Variants in MSH5 observed in about 807,000 individuals in gnomAD.
The protein encoded by MSH5 is mutS protein homolog 5.
Under a neutral mutation model 107.7 loss-of-function variants are expected in MSH5, and 78 were observed. The ratio of observed to expected loss-of-function variants is 0.72; its 90% confidence interval spans 0.60 to 0.87. The LOEUF is 0.87. Ranked by LOEUF, MSH5 falls within the 40% of genes least tolerant of loss-of-function variation. The pLI, the probability that MSH5 is intolerant of heterozygous loss-of-function variation, is 0.00. For missense variants in MSH5, 889 were observed against 1,046.6 expected (o/e 0.85, Z 2.08); for synonymous variants, 326 against 399.5 (o/e 0.82, Z 2.19).
chr6:31,755,876 T>C (rs531397673), intron 12 of MSH5, among the ~76,000 whole-genome samples: 6 of 152,272 alleles, frequency 3.9e-5, no homozygotes, highest in African/African-American at 1.4e-4. Flanking sequence ...TTTTCTCTTT[T>C]TCTTCTCCTG....
rs9279401 is a variant in MSH5, at chr6:31,741,336, T to TACACACAC, written c.271+90_271+97dup. The TACACACAC allele has an allele frequency of 3.1e-4, 281 of 897,410 alleles. 1 individual carries two copies. The highest frequency in any genetic ancestry group is 9.3e-4 in the East Asian group (27 of 29,078). The allele number at this position is 897,410 out of a possible 1,614,324, so 55.6% of individuals were successfully genotyped here. ...CTGCTCTCTGGGATTGCAGATGTGT[T>TACACACAC]ACACACACACACACACACACACACA... On this transcript the variant is annotated intron_variant, in intron 3 of 24. Coordinates refer to ENST00000375750, the MANE Select transcript of MSH5 (RefSeq NM_172166.4).
At position 31,753,363 on chromosome 6, in the gene MSH5, A is replaced by G. The variant is rs769381856; in HGVS notation, c.875A>G (p.Gln292Arg). Residue 292 changes from glutamine (Q) to arginine (R), a missense_variant, in exon 11 of 25, where the codon CAG (glutamine) becomes CGG (arginine). Coordinates refer to ENST00000375750, the MANE Select transcript of MSH5 (RefSeq NM_172166.4). ...GELSSRLDVI[Q>R]FFLLPQNLDM... ...CTCAGTTCTCGTCTGGACGTCATTC[A>G]GTTTTTTCTGCTGCCCCAGAATCTG... The G allele has an allele frequency of 2.5e-6, 4 of 1,614,016 alleles. No homozygotes were observed. Among genetic ancestry groups the G allele is most frequent in the African/African-American group, 2.7e-5 (2 of 74,906 alleles).
At position 31,761,217 on chromosome 6, in the gene MSH5, A is replaced by G. The variant is rs778522136; in HGVS notation, c.1992A>G (p.Ala664=). The G allele has an allele frequency of 6.2e-7, 1 of 1,614,030 alleles. No homozygotes were observed. The highest frequency in any genetic ancestry group is 2.2e-5 in the East Asian group (1 of 44,882). The change falls in exon 21 of 25, where the codon GCA becomes GCG. Residue 664 remains alanine, a synonymous_variant. Coordinates refer to ENST00000375750, the MANE Select transcript of MSH5 (RefSeq NM_172166.4). The surrounding 1 kb of genome is among the most constrained non-coding windows in gnomAD (Gnocchi z 5.3). ...CGAAAGCAGTGAACAATGCCACTGCACAGTCGCTGGTCCTTATTGATGAAT... is the reference window on the plus strand; with the variant it reads ...CGAAAGCAGTGAACAATGCCACTGCGCAGTCGCTGGTCCTTATTGATGAAT... The part of the protein sequence containing the change: ...QVAKAVNNAT[A]QSLVLIDEFG...
At position 31,759,312 on chromosome 6, in the gene MSH5, G is replaced by A; in HGVS notation, c.1408-113G>A. The A allele has an allele frequency of 7.1e-7, 1 of 1,408,496 alleles. No individual in the cohort carries two copies. Among genetic ancestry groups the A allele is most frequent in the Non-Finnish European group, 1.0e-6 (1 of 997,116 alleles). The allele number at this position is 1,408,496 out of a possible 1,614,324, so 87.2% of individuals were successfully genotyped here. A position where few individuals can be genotyped will look rare whatever the true frequency, so the allele number is the denominator to read the frequency against. On this transcript the variant is annotated intron_variant, in intron 16 of 24. Transcript: ENST00000375750. The surrounding 1 kb of genome is among the most constrained non-coding windows in gnomAD (Gnocchi z 4.7). ...TTTTACTCTGAGCTTTACCAGCACTGAGACAAAGGAAAGAGAAGTCAGAGT... is the reference window on the plus strand; with the variant it reads ...TTTTACTCTGAGCTTTACCAGCACTAAGACAAAGGAAAGAGAAGTCAGAGT...
chr6:31,740,464 C>A lies in MSH5; in HGVS notation c.-3C>A. On this transcript the variant is annotated 5_prime_UTR_variant, in exon 2 of 25. Coordinates refer to ENST00000375750, the MANE Select transcript of MSH5 (RefSeq NM_172166.4). This position sits in a 1 kb window ranked among gnomAD's most constrained non-coding sequence, Gnocchi z 4.4. ...TTTTTGCATCCGCAGAGCCTCCAAGCTCATGGCCTCCTTAGGAGCGAACCC... is the reference window on the plus strand; with the variant it reads ...TTTTTGCATCCGCAGAGCCTCCAAGATCATGGCCTCCTTAGGAGCGAACCC... 1 of 1,560,750 alleles carries A rather than the reference C, an allele frequency of 6.4e-7. No individual in the cohort carries two copies. Among genetic ancestry groups the A allele is most frequent in the Non-Finnish European group, 8.7e-7 (1 of 1,152,112 alleles).
chr6:31,761,798 G>A lies in MSH5; in HGVS notation c.2182-20G>A. 1 of 1,613,090 alleles carries A rather than the reference G, an allele frequency of 6.2e-7. No homozygotes were observed. The highest frequency in any genetic ancestry group is 8.5e-7 in the Non-Finnish European group (1 of 1,180,028). ...GGAAGGAGGTGATTGATGATACACT[G>A]TCTTTTATTCTCTTTTAAGACCATG... On this transcript the variant is annotated intron_variant, in intron 22 of 24. Coordinates refer to ENST00000375750, the MANE Select transcript of MSH5 (RefSeq NM_172166.4). The surrounding 1 kb of genome is among the most constrained non-coding windows in gnomAD (Gnocchi z 5.3).
At position 31,760,034 on chromosome 6, in the gene MSH5, G is replaced by A. The variant is rs1810836188; in HGVS notation, c.1686-56G>A. ...AGGGGCCCAAAGGCTACATCTTCTG[G>A]GGGTTCATCTATCTTGATCCACAAG... is the stretch of plus-strand genomic sequence containing the variant. On this transcript the variant is annotated intron_variant, in intron 18 of 24. Transcript: ENST00000375750. The surrounding 1 kb of genome is among the most constrained non-coding windows in gnomAD (Gnocchi z 5.6). 6.2e-7 allele frequency: 1 copy of A among 1,609,906 alleles called. No individual in the cohort carries two copies. Among genetic ancestry groups the A allele is most frequent in the Non-Finnish European group, 8.5e-7 (1 of 1,177,240 alleles).
chr6:31,748,857 G>T (rs1300082322), intron 10 of MSH5, among the ~76,000 whole-genome samples: 1 of 151,466 alleles, frequency 6.6e-6, no homozygotes, highest in Non-Finnish European at 1.5e-5. Context: ...GTCATTTAGG[G>T]CCACTTGCCA....
chr6:31,743,532 A>G (rs1385052065), intron 5 of MSH5: 2 of 435,466 alleles, frequency 4.6e-6, no homozygotes, highest in Non-Finnish European at 8.1e-6. Flanking sequence ...AGGCACTTCT[A>G]TAACTTTCCT....
rs753785275 is a variant in MSH5 at position 31,760,218 on chromosome 6, TGAG to T, written c.1812+6_1812+8del. ...GGGAAGAGCATATACCTCAAACAGG[TGAG>T]GAGAAGCCCTGCAGCCTGGGCCTCT... On this transcript the variant is annotated splice_donor_5th_base_variant and intron_variant, in intron 19 of 24. Coordinates refer to ENST00000375750, the MANE Select transcript of MSH5 (RefSeq NM_172166.4). The surrounding 1 kb of genome is among the most constrained non-coding windows in gnomAD (Gnocchi z 5.6). 1.8e-5 allele frequency: 29 copies of T among 1,586,630 alleles called. No homozygotes were observed. The highest frequency in any genetic ancestry group is 2.4e-5 in the Non-Finnish European group (28 of 1,168,824).
At position 31,761,299 on chromosome 6, in the gene MSH5, G is replaced by A. The variant is rs762024886; in HGVS notation, c.2037+37G>A. Reference sequence around the variant, plus strand: ...AACTGATGAGGGGAGAAACTAAGGAGGGGAAAATGGAGGAGGATGAAGGAG... The same window carrying A: ...AACTGATGAGGGGAGAAACTAAGGAAGGGAAAATGGAGGAGGATGAAGGAG... On this transcript the variant is annotated intron_variant, in intron 21 of 24. Transcript: ENST00000375750. This position sits in a 1 kb window ranked among gnomAD's most constrained non-coding sequence, Gnocchi z 5.3. 6.2e-7 allele frequency: 1 copy of A among 1,611,182 alleles called. No individual in the cohort carries two copies. The highest frequency in any genetic ancestry group is 1.3e-5 in the African/African-American group (1 of 74,876).
chr6:31,759,609 C>A lies in MSH5; in HGVS notation c.1495+97C>A. On this transcript the variant is annotated intron_variant, in intron 17 of 24. Coordinates refer to ENST00000375750, the MANE Select transcript of MSH5 (RefSeq NM_172166.4). This position sits in a 1 kb window ranked among gnomAD's most constrained non-coding sequence, Gnocchi z 4.7. ...GTGGGCAACTTGGGGATGCTTCCAA[C>A]AGGCCCCTCCTCTTCCTGCTCTCTG... 1.4e-6 allele frequency: 2 copies of A among 1,387,918 alleles called. No homozygotes were observed. Among genetic ancestry groups the A allele is most frequent in the Admixed American group, 1.8e-5 (1 of 54,338 alleles). The allele number at this position is 1,387,918 out of a possible 1,614,324, so 86.0% of individuals were successfully genotyped here. A position where few individuals can be genotyped will look rare whatever the true frequency, so the allele number is the denominator to read the frequency against.
chr6:31,743,427 A>G (rs1428678976), intron 5 of MSH5: 2 of 550,528 alleles, frequency 3.6e-6, no homozygotes, highest in East Asian at 3.0e-5. Context: ...CACTTTTTGG[A>G]CAGGGTTTTA....
At chr6:31,752,162 C>T (rs936786843) in intron 10 of MSH5, among the ~76,000 whole-genome samples, 9 of 151,326 alleles carry the variant, frequency 5.9e-5, no homozygotes, top group Admixed American at 2.0e-4. Context: ...TAAGACATGC[C>T]GGGCGCGGTG....
At position 31,759,311 on chromosome 6, in the gene MSH5, T is replaced by C; in HGVS notation, c.1408-114T>C. 7.1e-7 allele frequency: 1 copy of C among 1,406,582 alleles called. No homozygotes were observed. The highest frequency in any genetic ancestry group is 1.0e-6 in the Non-Finnish European group (1 of 995,194). 87.1% of individuals were successfully genotyped at this position (1,406,582 alleles called of 1,614,324 possible). A position where few individuals can be genotyped will look rare whatever the true frequency, so the allele number is the denominator to read the frequency against. ...GTTTTACTCTGAGCTTTACCAGCAC[T>C]GAGACAAAGGAAAGAGAAGTCAGAG... On this transcript the variant is annotated intron_variant, in intron 16 of 24. Transcript: ENST00000375750. This position sits in a 1 kb window ranked among gnomAD's most constrained non-coding sequence, Gnocchi z 4.7.
intron 10 of MSH5, among the ~76,000 whole-genome samples, chr6:31,750,793 A>G (rs1809882731): frequency 6.6e-6 from 1 of 152,196 alleles, no homozygotes; most frequent in South Asian, 2.1e-4. Flanking sequence ...CACAGACTGC[A>G]ATGTAAGATA....
At chr6:31,744,397 G>C in intron 7 of MSH5, 98 bp downstream of exon 7, 1 of 1,560,500 alleles carries the variant, frequency 6.4e-7, no homozygotes, top group Non-Finnish European at 8.8e-7. Context: ...TGACCCAGTG[G>C]GTCAAGTGCT....
intron 12 of MSH5, among the ~76,000 whole-genome samples, chr6:31,755,577 G>A (rs1292440544): frequency 1.3e-5 from 2 of 152,070 alleles, no homozygotes; most frequent in Non-Finnish European, 2.9e-5. Context: ...GGTCGGGCTG[G>A]TCTCGAACTC....
intron 5 of MSH5, chr6:31,743,506 CTTA>C: frequency 4.2e-6 from 2 of 472,072 alleles, no homozygotes; most frequent in Non-Finnish European, 7.5e-6. Context: ...CTCAGTGACC[CTTA>C]TTATGATCCA....
Sources: gnomAD v4.1 joint callset for allele counts (sites outside exome capture counted in the v4.1 genomes callset) on GRCh38, gnomAD v4.1.1 for gene constraint, Gnocchi (gnomAD v3.1) non-coding constraint, MANE v1.5 for transcripts, NCBI Gene and HGNC (gene_info 2026-07-23, HGNC 2026-07-21) for gene names.